The following ENTREP2 variants were observed in gnomAD, a reference collection of about 807,000 sequenced individuals.
ENTREP2 encodes endosomal transmembrane epsin interactor 2.
chr15:29,174,460 G>A, the ENTREP2 span, among the ~76,000 whole-genome samples: 30 of 152,158 alleles, frequency 2.0e-4, no homozygotes, highest in African/African-American at 5.5e-4. Context: ...AGGCCGAGGC[G>A]GGCAGATCAT....
the ENTREP2 span, among the ~76,000 whole-genome samples, chr15:29,468,320 GAA>G: frequency 6.6e-6 from 1 of 152,058 alleles, no homozygotes; most frequent in African/African-American, 2.4e-5. Flanking sequence ...GAATGATTAA[GAA>G]AAGACAGGCT....
the ENTREP2 span, among the ~76,000 whole-genome samples, chr15:29,628,516 G>A: frequency 6.6e-6 from 1 of 152,134 alleles, no homozygotes; most frequent in African/African-American, 2.4e-5. Context: ...TTCTATCGAT[G>A]TCCATTAGAT....
the ENTREP2 span, among the ~76,000 whole-genome samples, chr15:29,304,695 T>C: frequency 8.7e-4 from 132 of 152,270 alleles, no homozygotes; most frequent in African/African-American, 3.1e-3. Flanking sequence ...GCAGAGGACT[T>C]AGATTGACTT....
chr15:29,631,662 T>G, the ENTREP2 span, among the ~76,000 whole-genome samples: 233 of 152,324 alleles, frequency 1.5e-3, 2 homozygotes, highest in African/African-American at 5.4e-3. Context: ...AGGCAGGGCT[T>G]AAAGAATCAT....
chr15:29,186,311 C>G, the ENTREP2 span, among the ~76,000 whole-genome samples: 1 of 152,286 alleles, frequency 6.6e-6, no homozygotes, highest in African/African-American at 2.4e-5. Context: ...AACTGTGGGT[C>G]CCTGCATTGG....
At chr15:29,196,463 C>T in the ENTREP2 span, 3 of 1,551,740 alleles carry the variant, frequency 1.9e-6, no homozygotes, top group Non-Finnish European at 2.6e-6. Flanking sequence ...TGCAGTTCTC[C>T]TGCAGCGGGT....
chr15:29,248,548 GAAAAT>G, the ENTREP2 span, among the ~76,000 whole-genome samples: 5 of 151,502 alleles, frequency 3.3e-5, no homozygotes, highest in South Asian at 8.3e-4. Context: ...AAACAGAGAA[GAAAAT>G]AAAATATAAA....
At chr15:29,534,015 C>A in the ENTREP2 span, among the ~76,000 whole-genome samples, 2 of 147,474 alleles carry the variant, frequency 1.4e-5, no homozygotes, top group African/African-American at 5.0e-5. Flanking sequence ...TGTGCTGCTG[C>A]CTATAGAAAC....
chr15:29,601,576 G>A, the ENTREP2 span, among the ~76,000 whole-genome samples: 36 of 152,120 alleles, frequency 2.4e-4, 1 homozygote, highest in South Asian at 7.3e-3. Context: ...GAAGGTGGCA[G>A]GGTCAACATT....
chr15:29,328,226 A>T, the ENTREP2 span, among the ~76,000 whole-genome samples: 1 of 152,246 alleles, frequency 6.6e-6, no homozygotes, highest in Non-Finnish European at 1.5e-5. Flanking sequence ...CATTCTGGAA[A>T]GGGCAAAACG....
chr15:29,183,563 G>A, the ENTREP2 span, among the ~76,000 whole-genome samples: 37 of 152,328 alleles, frequency 2.4e-4, no homozygotes, highest in Admixed American at 2.0e-3. Context: ...GAAGCAACCT[G>A]TGGAATACTC....
the ENTREP2 span, among the ~76,000 whole-genome samples, chr15:29,516,856 C>T: frequency 6.6e-6 from 1 of 150,724 alleles, no homozygotes; most frequent in African/African-American, 2.4e-5. Context: ...GAGGGTGGTT[C>T]TCTGGGGTGA....
chr15:29,651,484 G>A, the ENTREP2 span, among the ~76,000 whole-genome samples: 4 of 152,208 alleles, frequency 2.6e-5, no homozygotes, highest in Non-Finnish European at 4.4e-5. Flanking sequence ...CATTCTCAGA[G>A]TGGGCTGAAG....
the ENTREP2 span, among the ~76,000 whole-genome samples, chr15:29,629,812 A>G: frequency 7.2e-5 from 11 of 151,768 alleles, no homozygotes; most frequent in South Asian, 2.3e-3. Context: ...TTGTTTCTTT[A>G]GCTGTTCTTT....
the ENTREP2 span, among the ~76,000 whole-genome samples, chr15:29,411,741 T>C: frequency 2.0e-4 from 30 of 152,238 alleles, no homozygotes; most frequent in African/African-American, 6.8e-4. Flanking sequence ...CCAAATTTCT[T>C]ACATCTTACA....
At chr15:29,418,640 G>A in the ENTREP2 span, among the ~76,000 whole-genome samples, 1 of 152,218 alleles carries the variant, frequency 6.6e-6, no homozygotes. Flanking sequence ...AGTGTCCCCA[G>A]TAAGAACAAC....
At chr15:29,508,594 A>G in the ENTREP2 span, among the ~76,000 whole-genome samples, 1 of 152,190 alleles carries the variant, frequency 6.6e-6, no homozygotes, top group Non-Finnish European at 1.5e-5. Flanking sequence ...CTGGTTCAAT[A>G]TACACAAATC....
At chr15:29,123,701 G>A in the ENTREP2 span, 1 of 1,507,014 alleles carries the variant, frequency 6.6e-7, no homozygotes, top group Non-Finnish European at 8.9e-7. Flanking sequence ...ACTGAAATAA[G>A]AAGTTAACTC....
At chr15:29,582,291 C>G in the ENTREP2 span, among the ~76,000 whole-genome samples, 3 of 152,130 alleles carry the variant, frequency 2.0e-5, no homozygotes. Context: ...TTAAACCTCA[C>G]ACTTTATACA....
Sources: allele counts gnomAD v4.1 joint callset (sites outside exome capture counted in the v4.1 genomes callset), GRCh38; gene constraint gnomAD v4.1.1; transcripts MANE v1.5; gene names NCBI Gene and HGNC (gene_info 2026-07-23, HGNC 2026-07-21).